LPP: variants seen among roughly 807,000 people sequenced by gnomAD.
The protein encoded by LPP is LIM domain containing preferred translocation partner in lipoma, also known as lipoma-preferred partner.
LPP carries 38 observed loss-of-function variants against 60.4 expected under a neutral mutation model. The observed-to-expected ratio is 0.63, with a 90% CI of 0.49 to 0.83. The LOEUF is 0.83. Among genes scored for constraint, LPP ranks in the 40% least tolerant of loss-of-function variants. The pLI, the probability that LPP is intolerant of heterozygous loss-of-function variation, is 0.00. For synonymous variants in LPP, 328 were observed against 290.8 expected, an observed-to-expected ratio of 1.13 and a Z score of -1.30; for missense variants, 902 against 783.6, an observed-to-expected ratio of 1.15 and a Z score of -1.80.
chr3:188,448,128 A>G (rs1349816235), intron 4 of LPP, among the ~76,000 whole-genome samples: 2 of 152,192 alleles, frequency 1.3e-5, no homozygotes, highest in African/African-American at 2.4e-5. Context: ...GGGCTCTGTA[A>G]TTCAAAATTT....
chr3:188,571,709 G>C (rs1833583379), intron 6 of LPP, among the ~76,000 whole-genome samples: 1 of 152,092 alleles, frequency 6.6e-6, no homozygotes, highest in South Asian at 2.1e-4. Context: ...ATGTCAGACT[G>C]CCTTAGATGG....
chr3:188,157,489 G>A (rs1292830268), intron 1 of LPP, among the ~76,000 whole-genome samples: 1 of 152,090 alleles, frequency 6.6e-6, no homozygotes, highest in East Asian at 1.9e-4. Flanking sequence ...CATAAGAACT[G>A]TGTAGCCCCC....
In LPP at chr3:188,803,045, C is replaced by CTTTTTT. The variant is rs374563246; in HGVS notation, c.1410+42775_1410+42780dup. 2.6e-4 allele frequency among the ~76,000 whole-genome samples: 34 copies of CTTTTTT among 130,452 alleles called. 3 individuals carry two copies. The highest frequency in any genetic ancestry group is 2.7e-4 in the Non-Finnish European group (17 of 62,736). 85.6% of individuals were successfully genotyped at this position (130,452 alleles called of 152,430 possible). On this transcript the variant is annotated intron_variant, in intron 9 of 11. Transcript: ENST00000617246. ...GATTAAAATACTTTTGTTGTATATG[C>CTTTTTT]TTTTTTTTTTTTTTTTTGAGACAGG... is the stretch of plus-strand genomic sequence containing the variant.
chr3:188,484,145 C>T (rs1003343949), intron 4 of LPP, among the ~76,000 whole-genome samples: 5 of 152,194 alleles, frequency 3.3e-5, no homozygotes, highest in Admixed American at 6.5e-5. Flanking sequence ...ATATGATCCA[C>T]TGAGACTTCC....
Position 188,182,758 on chromosome 3 carries a change from ATATAT to A in LPP, c.-190+28512_-190+28516del, listed in dbSNP as rs779254990. 1.7e-3 allele frequency among the ~76,000 whole-genome samples: 240 copies of A among 141,916 alleles called. No homozygotes were observed. Among genetic ancestry groups the A allele is most frequent in the South Asian group, 8.8e-3 (41 of 4,642 alleles). 93.1% of individuals were successfully genotyped at this position (141,916 alleles called of 152,430 possible). The stretch of plus-strand genomic sequence containing the variant: ...ACATAATATATATACATATATGTAC[ATATAT>A]TATATATGTGCATATATAATATATG... On this transcript the variant is annotated intron_variant, in intron 1 of 11. Coordinates refer to ENST00000617246, the MANE Select transcript of LPP (RefSeq NM_001375462.1). The surrounding 1 kb of genome is among the most constrained non-coding windows in gnomAD (Gnocchi z 4.4).
intron 9 of LPP, among the ~76,000 whole-genome samples, chr3:188,815,254 G>C (rs961120199): frequency 1.3e-5 from 2 of 152,148 alleles, no homozygotes; most frequent in East Asian, 1.9e-4. Flanking sequence ...ATTGAAGCCA[G>C]CTCCTAGGCC....
rs1412909198 is a variant in LPP, at chr3:188,217,590, G to T, written c.-189-7815G>T. Among the ~76,000 whole-genome samples, 2 of 152,090 alleles carry T rather than the reference G, an allele frequency of 1.3e-5. No homozygotes were observed. The highest frequency in any genetic ancestry group is 2.9e-5 in the Non-Finnish European group (2 of 68,020). On this transcript the variant is annotated intron_variant, in intron 1 of 11. Coordinates refer to ENST00000617246, the MANE Select transcript of LPP (RefSeq NM_001375462.1). This position sits in a 1 kb window ranked among gnomAD's most constrained non-coding sequence, Gnocchi z 4.0. ...TGATGTGGTGGTAACTTTGACTAGGGCATAGAAGTTGGGCAGGAGAGGTAA... is the reference window on the plus strand; with the variant it reads ...TGATGTGGTGGTAACTTTGACTAGGTCATAGAAGTTGGGCAGGAGAGGTAA...
chr3:188,326,003 T>C (rs926273098), intron 2 of LPP, among the ~76,000 whole-genome samples: 9 of 152,146 alleles, frequency 5.9e-5, no homozygotes, highest in Non-Finnish European at 1.0e-4. Flanking sequence ...CCCTCGACTT[T>C]TTCTTATCTT....
chr3:188,496,962 G>A (rs1239954067), intron 5 of LPP, among the ~76,000 whole-genome samples: 2 of 150,382 alleles, frequency 1.3e-5, no homozygotes, highest in South Asian at 2.1e-4. Flanking sequence ...TTCTTACTAC[G>A]GAAATAAGTT....
At chr3:188,404,179 A>T (rs1289798594) in intron 3 of LPP, among the ~76,000 whole-genome samples, 1 of 152,178 alleles carries the variant, frequency 6.6e-6, no homozygotes, top group Non-Finnish European at 1.5e-5. Context: ...ATACTATAAA[A>T]AGTACTTTAA....
At chr3:188,174,836 C>T (rs1577108345) in intron 1 of LPP, among the ~76,000 whole-genome samples, 1 of 152,300 alleles carries the variant, frequency 6.6e-6, no homozygotes, top group African/African-American at 2.4e-5. Flanking sequence ...CTGCCCATCC[C>T]CCCTAAGCAG....
intron 9 of LPP, among the ~76,000 whole-genome samples, chr3:188,764,436 T>C (rs1289690715): frequency 1.3e-5 from 2 of 152,168 alleles, no homozygotes; most frequent in African/African-American, 4.8e-5. Context: ...TTTAGTATAA[T>C]GTGATACACT....
intron 8 of LPP, among the ~76,000 whole-genome samples, chr3:188,715,142 G>T (rs892667941): frequency 6.6e-6 from 1 of 152,070 alleles, no homozygotes; most frequent in African/African-American, 2.4e-5. Context: ...CACTTTGGGA[G>T]GCTGAGGTGG....
chr3:188,284,827 C>T (rs1350301749), intron 2 of LPP, among the ~76,000 whole-genome samples: 1 of 152,120 alleles, frequency 6.6e-6, no homozygotes, highest in Non-Finnish European at 1.5e-5. Flanking sequence ...CCCTCTCAGG[C>T]AGGTAGTGAG....
intron 2 of LPP, among the ~76,000 whole-genome samples, chr3:188,261,630 G>A (rs975553107): frequency 7.9e-5 from 12 of 152,102 alleles, no homozygotes; most frequent in Non-Finnish European, 1.6e-4. Context: ...TCTTGGGACC[G>A]GACATGGTGG....
At chr3:188,820,403 A>G (rs1753652900) in intron 9 of LPP, among the ~76,000 whole-genome samples, 1 of 152,112 alleles carries the variant, frequency 6.6e-6, no homozygotes, top group East Asian at 1.9e-4. Flanking sequence ...TTTGGAAGTT[A>G]TCACTAAAAA....
At chr3:188,668,081 TGC>T (rs1856185527) in intron 7 of LPP, among the ~76,000 whole-genome samples, 1 of 152,098 alleles carries the variant, frequency 6.6e-6, no homozygotes, top group Non-Finnish European at 1.5e-5. Context: ...TGCTGTTGCT[TGC>T]CACATTTCTC....
At chr3:188,467,143 T>C (rs1253185807) in intron 4 of LPP, among the ~76,000 whole-genome samples, 1 of 151,838 alleles carries the variant, frequency 6.6e-6, no homozygotes, top group Non-Finnish European at 1.5e-5. Context: ...ATAAAACTTG[T>C]TTAGCTGCAA....
At position 188,687,775 on chromosome 3, in the gene LPP, C is replaced by CTTTTTTTTT. The variant is rs61574227; in HGVS notation, c.1114-20483_1114-20475dup. On this transcript the variant is annotated intron_variant, in intron 7 of 11. Transcript: ENST00000617246. ...CCTGTCTAACCAGCTGTCTTATACTCTTTTTTTTTTTTTTTTTGAGATGAA... is the reference window on the plus strand; with the variant it reads ...CCTGTCTAACCAGCTGTCTTATACTCTTTTTTTTTTTTTTTTTTTTTTTTTTGAGATGAA... 7.8e-3 allele frequency among the ~76,000 whole-genome samples: 994 copies of CTTTTTTTTT among 126,986 alleles called. 32 individuals are homozygous for CTTTTTTTTT. The highest frequency in any genetic ancestry group is 0.027 in the African/African-American group (913 of 33,726). The allele number at this position is 126,986 out of a possible 152,430, so 83.3% of individuals were successfully genotyped here. A position where few individuals can be genotyped will look rare whatever the true frequency, so the allele number is the denominator to read the frequency against.
Sources: allele counts gnomAD v4.1 joint callset (sites outside exome capture counted in the v4.1 genomes callset), GRCh38; gene constraint gnomAD v4.1.1; non-coding constraint Gnocchi (gnomAD v3.1); transcripts MANE v1.5; gene names NCBI Gene and HGNC (gene_info 2026-07-23, HGNC 2026-07-21).